The following LUC7L2 variants were observed in gnomAD, a reference collection of about 807,000 sequenced individuals.
The protein encoded by LUC7L2 is LUC7 like 2, pre-mRNA splicing factor, also known as putative RNA-binding protein Luc7-like 2.
In LUC7L2, 25 loss-of-function variants were observed where a neutral mutation model predicts 52.8. The observed-to-expected ratio is 0.47, with a 90% CI of 0.34 to 0.66. LUC7L2 has a LOEUF of 0.66. LUC7L2 is among the 30% of genes least tolerant of loss of function. The pLI, the probability that LUC7L2 is intolerant of heterozygous loss-of-function variation, is 0.01. For missense variants in LUC7L2, 328 were observed against 497.8 expected, an observed-to-expected ratio of 0.66 and a Z score of 3.25; for synonymous variants, 144 against 160.9, an observed-to-expected ratio of 0.89 and a Z score of 0.80.
chr7:139,349,865 C>T (rs909674960), intron 1 of LUC7L2, among the ~76,000 whole-genome samples: 1 of 152,144 alleles, frequency 6.6e-6, no homozygotes, highest in African/African-American at 2.4e-5. Context: ...GTGTACAGGT[C>T]AATGAATTTT....
At chr7:139,370,904 G>A (rs1370425711) in intron 1 of LUC7L2, among the ~76,000 whole-genome samples, 3 of 115,680 alleles carry the variant, frequency 2.6e-5, no homozygotes, top group Non-Finnish European at 5.1e-5. Flanking sequence ...AGGGAGGAAC[G>A]TTTCTCTGCA....
intron 8 of LUC7L2, 122 bp downstream of exon 8, chr7:139,412,702 C>T (rs1795414499): frequency 1.7e-6 from 2 of 1,162,870 alleles, no homozygotes; most frequent in Non-Finnish European, 2.4e-6. Context: ...GTGATGCATG[C>T]TTGTAATCCC....
intron 8 of LUC7L2, 84 bp downstream of exon 8, chr7:139,412,664 T>C: frequency 2.0e-6 from 3 of 1,504,840 alleles, no homozygotes; most frequent in Non-Finnish European, 2.7e-6. Flanking sequence ...AATGGTCCTT[T>C]AAAAATTTTC....
intron 4 of LUC7L2, among the ~76,000 whole-genome samples, chr7:139,402,473 T>C (rs1051809732): frequency 4.6e-5 from 7 of 152,256 alleles, no homozygotes; most frequent in South Asian, 2.1e-4. Flanking sequence ...TTGCCAGTTA[T>C]GCATGCATTT....
Position 139,406,552 on chromosome 7 carries a change from C to T in LUC7L2, c.511-622C>T, listed in dbSNP as rs538697716. On this transcript the variant is annotated intron_variant, in intron 5 of 9. Transcript: ENST00000354926. ...TATTTTTAGTAGAGATAGGCTTTCACCATGTTGGCCAGGCTGGTCTTGAAC... is the reference window on the plus strand; with the variant it reads ...TATTTTTAGTAGAGATAGGCTTTCATCATGTTGGCCAGGCTGGTCTTGAAC... 8.1e-4 allele frequency among the ~76,000 whole-genome samples: 123 copies of T among 151,992 alleles called. 3 individuals carry two copies. The highest frequency in any genetic ancestry group is 8.1e-3 in the Admixed American group (123 of 15,268).
intron 1 of LUC7L2, among the ~76,000 whole-genome samples, chr7:139,370,772 T>C (rs562883855): frequency 6.6e-6 from 1 of 152,200 alleles, no homozygotes; most frequent in East Asian, 1.9e-4. Context: ...GTTTTACTTG[T>C]GCACTGCTTT....
At chr7:139,408,841 C>CAAAAAAAA (rs564827916) in intron 6 of LUC7L2, among the ~76,000 whole-genome samples, 1 of 86,972 alleles carries the variant, frequency 1.1e-5, no homozygotes, top group Non-Finnish European at 2.4e-5. Context: ...GACTCTGTCT[C>CAAAAAAAA]AAAAAAAAAA....
intron 2 of LUC7L2, chr7:139,392,514 A>G (rs369565985): frequency 3.2e-5 from 10 of 313,806 alleles, no homozygotes; most frequent in African/African-American, 2.2e-4. Flanking sequence ...GCAGTAATGG[A>G]TTCAGAATGG....
chr7:139,353,631 A>G (rs1799522213), intron 1 of LUC7L2, among the ~76,000 whole-genome samples: 1 of 152,122 alleles, frequency 6.6e-6, no homozygotes, highest in Admixed American at 6.5e-5. Flanking sequence ...CATCTCTACT[A>G]AAAATACAAA....
At chr7:139,360,421 A>G (rs1585072043) in intron 1 of LUC7L2, 99 bp downstream of exon 1, 5 of 1,132,506 alleles carry the variant, frequency 4.4e-6, no homozygotes, top group Admixed American at 4.5e-5. Flanking sequence ...GTGGCTGAGT[A>G]AGGGGCTCCC....
chr7:139,343,674 C>T (rs1006536751), intron 1 of LUC7L2, among the ~76,000 whole-genome samples: 3 of 152,158 alleles, frequency 2.0e-5, no homozygotes, highest in Non-Finnish European at 4.4e-5. Context: ...GTGGCTCACA[C>T]CTGTAATCCC....
chr7:139,396,301 TGGC>T (rs1794661254), intron 2 of LUC7L2, among the ~76,000 whole-genome samples: 1 of 151,412 alleles, frequency 6.6e-6, no homozygotes, highest in African/African-American at 2.4e-5. Flanking sequence ...CTGGATATGG[TGGC>T]GGGGGACGGT....
At chr7:139,395,126 TA>T (rs1316373901) in intron 2 of LUC7L2, among the ~76,000 whole-genome samples, 1 of 152,202 alleles carries the variant, frequency 6.6e-6, no homozygotes, top group Non-Finnish European at 1.5e-5. Context: ...TGAACAGCTA[TA>T]GCTTGTGGAA....
At chr7:139,399,662 G>T (rs552928623) in intron 3 of LUC7L2, among the ~76,000 whole-genome samples, 2 of 151,698 alleles carry the variant, frequency 1.3e-5, no homozygotes, top group East Asian at 1.9e-4. Context: ...GTAGAGACAG[G>T]GTTTCACCGT....
intron 1 of LUC7L2, chr7:139,371,556 T>G: frequency 2.9e-6 from 3 of 1,028,594 alleles, no homozygotes; most frequent in East Asian, 3.6e-5. Flanking sequence ...GGGTGGGTAG[T>G]ACTGGGGGGA....
chr7:139,403,217 C>G (rs1273118771), intron 4 of LUC7L2, among the ~76,000 whole-genome samples: 1 of 152,174 alleles, frequency 6.6e-6, no homozygotes, highest in African/African-American at 2.4e-5. Flanking sequence ...CACAGTAATA[C>G]ATACATAAAG....
At chr7:139,389,524 C>T (rs1794339260) in intron 2 of LUC7L2, among the ~76,000 whole-genome samples, 2 of 152,078 alleles carry the variant, frequency 1.3e-5, no homozygotes, top group South Asian at 2.1e-4. Context: ...TATTTGTCTT[C>T]TGTGTAAATT....
intron 1 of LUC7L2, among the ~76,000 whole-genome samples, chr7:139,360,581 A>G (rs551005948): frequency 6.6e-6 from 1 of 152,046 alleles, no homozygotes; most frequent in Non-Finnish European, 1.5e-5. Context: ...TTGTGCTTTT[A>G]ATGTTGACTT....
intron 7 of LUC7L2, among the ~76,000 whole-genome samples, chr7:139,410,091 C>G (rs1795290769): frequency 6.6e-6 from 1 of 152,012 alleles, no homozygotes; most frequent in Admixed American, 6.6e-5. Flanking sequence ...CCTGTAGTCC[C>G]AGCTGCGCGG....
Sources: gnomAD v4.1 joint callset for allele counts (sites outside exome capture counted in the v4.1 genomes callset) on GRCh38, gnomAD v4.1.1 for gene constraint, MANE v1.5 for transcripts, NCBI Gene and HGNC (gene_info 2026-07-23, HGNC 2026-07-21) for gene names.